FOXP1: variants seen among roughly 807,000 people sequenced by gnomAD.
FOXP1 encodes forkhead box protein P1.
A neutral mutation model predicts 98.2 loss-of-function variants in FOXP1; 15 were observed. The observed-to-expected ratio is 0.15, with a 90% CI of 0.10 to 0.24. FOXP1 has a LOEUF of 0.24. Among genes scored for constraint, FOXP1 ranks in the 10% least tolerant of loss-of-function variants. FOXP1 has a pLI of 1.00. For missense variants in FOXP1, 633 were observed against 848.5 expected (o/e 0.75, Z 3.15); for synonymous variants, 371 against 314.5 (o/e 1.18, Z -1.90).
intron 3 of FOXP1, among the ~76,000 whole-genome samples, chr3:71,439,950 G>GAAAAAA (rs34186820): frequency 7.5e-6 from 1 of 133,004 alleles, no homozygotes; most frequent in Non-Finnish European, 1.6e-5. Flanking sequence ...TCTGTCTCAG[G>GAAAAAA]AAAAAAAAAA....
intron 2 of FOXP1, among the ~76,000 whole-genome samples, chr3:71,527,471 C>G (rs368604424): frequency 6.6e-6 from 1 of 152,180 alleles, no homozygotes; most frequent in Non-Finnish European, 1.5e-5. Context: ...ATGTCCACAT[C>G]CAAGCTGGAG....
intron 20 of FOXP1, among the ~76,000 whole-genome samples, chr3:70,962,463 T>G (rs532403149): frequency 2.6e-5 from 4 of 152,338 alleles, no homozygotes; most frequent in South Asian, 2.1e-4. Context: ...CTCAATCTCA[T>G]CAGCAGCAAG....
At chr3:71,374,319 C>T (rs930518625) in intron 3 of FOXP1, among the ~76,000 whole-genome samples, 3 of 152,118 alleles carry the variant, frequency 2.0e-5, no homozygotes, top group Non-Finnish European at 2.9e-5. Flanking sequence ...CTGGGCCATG[C>T]GTGGTGGCTC....
intron 4 of FOXP1, among the ~76,000 whole-genome samples, chr3:71,345,280 C>T (rs554257697): frequency 2.4e-4 from 37 of 151,648 alleles, no homozygotes; most frequent in African/African-American, 8.0e-4. Context: ...CCCAGCTACT[C>T]GGGAGGCTGA....
chr3:71,158,179 G>GGAA, intron 6 of FOXP1, among the ~76,000 whole-genome samples: 3 of 105,326 alleles, frequency 2.8e-5, no homozygotes, highest in Admixed American at 9.6e-5. Flanking sequence ...GAAGGAAGGA[G>GGAA]GGAAGGAGGG....
At chr3:71,386,028 C>T (rs1311380435) in intron 3 of FOXP1, among the ~76,000 whole-genome samples, 1 of 152,186 alleles carries the variant, frequency 6.6e-6, no homozygotes, top group Non-Finnish European at 1.5e-5. Flanking sequence ...CTTCCATTAG[C>T]AAGGGATAAG....
chr3:71,260,893 C>A (rs1167039819), intron 5 of FOXP1, among the ~76,000 whole-genome samples: 1 of 152,020 alleles, frequency 6.6e-6, no homozygotes, highest in Non-Finnish European at 1.5e-5. Context: ...AAGTTAGGGG[C>A]AAAAGCTGGA....
chr3:71,429,495 AG>A (rs1316486471), intron 3 of FOXP1, among the ~76,000 whole-genome samples: 10 of 6,372 alleles, frequency 1.6e-3, no homozygotes, highest in East Asian at 5.6e-3. Flanking sequence ...GGGGGGCGGG[AG>A]GGGGGGTACT....
intron 18 of FOXP1, chr3:70,972,327 T>C (rs2036442351): frequency 9.0e-6 from 8 of 891,008 alleles, no homozygotes; most frequent in South Asian, 1.7e-5. Flanking sequence ...TTAATATGCA[T>C]TGCCACCTAA....
At chr3:71,197,894 A>G in intron 6 of FOXP1, 1 of 1,614,226 alleles carries the variant, frequency 6.2e-7, no homozygotes, top group Non-Finnish European at 8.5e-7. Context: ...TCTCCAAAGA[A>G]TAATTTTATT....
At chr3:71,202,101 A>G (rs1031688239) in intron 5 of FOXP1, among the ~76,000 whole-genome samples, 3 of 152,198 alleles carry the variant, frequency 2.0e-5, no homozygotes, top group African/African-American at 7.2e-5. Flanking sequence ...TCCAATACAC[A>G]ATTTGATGAG....
At chr3:71,208,356 A>C (rs901553020) in intron 5 of FOXP1, among the ~76,000 whole-genome samples, 5 of 152,190 alleles carry the variant, frequency 3.3e-5, no homozygotes, top group African/African-American at 7.2e-5. Flanking sequence ...GAAAAAAGCA[A>C]ACAACTGCAT....
intron 3 of FOXP1, among the ~76,000 whole-genome samples, chr3:71,436,078 T>C (rs1386907908): frequency 1.3e-5 from 2 of 151,824 alleles, no homozygotes; most frequent in African/African-American, 2.4e-5. Context: ...CTGAAAACCA[T>C]TTCTGATTTT....
chr3:71,191,004 C>T (rs2062945448), intron 6 of FOXP1, among the ~76,000 whole-genome samples: 1 of 152,186 alleles, frequency 6.6e-6, no homozygotes, highest in South Asian at 2.1e-4. Flanking sequence ...GTACCACTGG[C>T]ATTTATATTG....
intron 6 of FOXP1, among the ~76,000 whole-genome samples, chr3:71,142,978 AGGGC>A (rs1430582471): frequency 7.2e-5 from 11 of 152,004 alleles, no homozygotes; most frequent in African/African-American, 2.2e-4. Flanking sequence ...AGGGCAGGGC[AGGGC>A]AGGGCAGGGC....
Position 71,535,655 on chromosome 3 carries a change from TG to T in FOXP1, c.-297-42101del, listed in dbSNP as rs542888650. On this transcript the variant is annotated intron_variant, in intron 2 of 20. Coordinates refer to ENST00000649528, the MANE Select transcript of FOXP1 (RefSeq NM_001349338.3). ...AGGTAGGATCTTTGAGCCTGGGAGG[TG>T]AAGGCTGCAGTAAGCTGCAGTCGCA... Among the ~76,000 whole-genome samples the T allele has an allele frequency of 2.3e-3, 350 of 151,872 alleles. 3 individuals carry two copies. The highest frequency in any genetic ancestry group is 8.0e-3 in the African/African-American group (331 of 41,390).
chr3:71,277,508 C>T (rs2107361051), intron 5 of FOXP1, among the ~76,000 whole-genome samples: 1 of 152,200 alleles, frequency 6.6e-6, no homozygotes, highest in South Asian at 2.1e-4. Flanking sequence ...CCACTATCGA[C>T]ACCACAGTCC....
At chr3:71,143,889 G>C (rs2060184777) in intron 6 of FOXP1, among the ~76,000 whole-genome samples, 1 of 152,216 alleles carries the variant, frequency 6.6e-6, no homozygotes, top group Non-Finnish European at 1.5e-5. Flanking sequence ...GAATTTGGAA[G>C]ATGGGGCTAA....
chr3:71,571,311 G>T (rs921732398), intron 2 of FOXP1: 5 of 152,156 alleles, frequency 3.3e-5, no homozygotes, highest in African/African-American at 1.2e-4. Context: ...AATTAAAACT[G>T]CTGTCTAATG....
Sources: gnomAD v4.1 joint callset for allele counts (sites outside exome capture counted in the v4.1 genomes callset) on GRCh38, gnomAD v4.1.1 for gene constraint, MANE v1.5 for transcripts, NCBI Gene and HGNC (gene_info 2026-07-23, HGNC 2026-07-21) for gene names.